The following DAB1 variants were observed in gnomAD, a reference collection of about 807,000 sequenced individuals.
DAB1 encodes disabled homolog 1.
Under a neutral mutation model 64.6 loss-of-function variants are expected in DAB1, and 15 were observed. The observed-to-expected ratio is 0.23, with a 90% CI of 0.16 to 0.36. DAB1 has a LOEUF of 0.36. DAB1 is among the 10% of genes least tolerant of loss of function. DAB1 has a pLI of 1.00. For synonymous variants in DAB1, 235 were observed against 251.9 expected (o/e 0.93, Z 0.64); for missense variants, 596 against 706.7 (o/e 0.84, Z 1.78).
chr1:58,281,051 G>C (rs567944965), intron 4 of DAB1, among the ~76,000 whole-genome samples: 11 of 152,260 alleles, frequency 7.2e-5, no homozygotes, highest in South Asian at 2.1e-4. Context: ...GTGTGTTTGG[G>C]GAGAAAGACA....
At chr1:58,499,477 T>TATAGACAGATAGATAGATAGATAGATAG (rs1645863562) in intron 3 of DAB1, among the ~76,000 whole-genome samples, 3 of 143,768 alleles carry the variant, frequency 2.1e-5, no homozygotes, top group African/African-American at 7.9e-5. Flanking sequence ...AAAGCCAGAC[T>TATAGACAGATAGATAGATAGATAGATAG]ATAGATAGAT....
At chr1:57,519,816 T>C (rs989323303) in intron 7 of DAB1, among the ~76,000 whole-genome samples, 1 of 152,228 alleles carries the variant, frequency 6.6e-6, no homozygotes, top group Admixed American at 6.5e-5. Context: ...GGCACTTCTA[T>C]TGATCTAAGG....
chr1:58,174,316 C>T (rs184643042), intron 4 of DAB1, among the ~76,000 whole-genome samples: 2 of 152,244 alleles, frequency 1.3e-5, no homozygotes, highest in African/African-American at 2.4e-5. Context: ...CTATTACTCA[C>T]CTTTGGGCCC....
chr1:57,347,817 A>G (rs1678241182), intron 1 of DAB1, among the ~76,000 whole-genome samples: 1 of 152,118 alleles, frequency 6.6e-6, no homozygotes, highest in Non-Finnish European at 1.5e-5. Context: ...TTGTCTTCCC[A>G]ATAGTACTGT....
At chr1:57,417,592 C>T (rs1014582970) in intron 1 of DAB1, among the ~76,000 whole-genome samples, 1 of 152,114 alleles carries the variant, frequency 6.6e-6, no homozygotes, top group African/African-American at 2.4e-5. Context: ...ATCTCTGAAC[C>T]TTTAACATAT....
At chr1:57,148,012 C>A (rs1659314494) in intron 2 of DAB1, among the ~76,000 whole-genome samples, 1 of 152,188 alleles carries the variant, frequency 6.6e-6, no homozygotes, top group Admixed American at 6.5e-5. Flanking sequence ...ACGCAACTTT[C>A]TTATAAAGCC....
At chr1:57,309,343 C>T (rs971728516) in intron 1 of DAB1, among the ~76,000 whole-genome samples, 1 of 152,156 alleles carries the variant, frequency 6.6e-6, no homozygotes, top group Non-Finnish European at 1.5e-5. Context: ...GCAGAGAATA[C>T]TTCCATATGA....
chr1:58,159,422 A>G (rs1042934522), intron 4 of DAB1, among the ~76,000 whole-genome samples: 3 of 152,228 alleles, frequency 2.0e-5, no homozygotes, highest in Non-Finnish European at 4.4e-5. Context: ...AAGAACAGGC[A>G]AAACAAATTG....
At chr1:58,435,092 C>T (rs1293047769) in intron 3 of DAB1, among the ~76,000 whole-genome samples, 3 of 152,140 alleles carry the variant, frequency 2.0e-5, no homozygotes, top group African/African-American at 7.2e-5. Context: ...TTACTTGGGA[C>T]CCCTTTACTG....
chr1:58,045,978 A>G (rs1037181643), intron 5 of DAB1, among the ~76,000 whole-genome samples: 7 of 151,574 alleles, frequency 4.6e-5, no homozygotes, highest in Non-Finnish European at 7.4e-5. Context: ...TTATCTGAAA[A>G]TGGAGACTAA....
chr1:57,505,697 G>C (rs1399406306), intron 7 of DAB1, among the ~76,000 whole-genome samples: 2 of 152,060 alleles, frequency 1.3e-5, no homozygotes, highest in Non-Finnish European at 2.9e-5. Context: ...TTGAGACAGG[G>C]TCTCACTCTG....
Position 57,748,145 on chromosome 1 carries a change from T to C in DAB1, n.552-98480A>G, listed in dbSNP as rs531783821. Among the ~76,000 whole-genome samples the C allele has an allele frequency of 1.4e-4, 21 of 152,312 alleles. No individual in the cohort carries two copies. The South Asian group carries it at 4.3e-3, about 32-fold the overall frequency. ...AAAATGTCTAGGATACAGAGTGGCT[T>C]ACCAAAGCTCACTCTGCAAAGAAGT... On this transcript the variant is annotated intron_variant and non_coding_transcript_variant, in intron 6 of 20. Coordinates refer to the DAB1 transcript ENST00000485760.
At chr1:57,271,248 C>G (rs1204366487) in intron 2 of DAB1, among the ~76,000 whole-genome samples, 1 of 152,144 alleles carries the variant, frequency 6.6e-6, no homozygotes, top group African/African-American at 2.4e-5. Context: ...ATAGCTGCAG[C>G]AGGCTCTTTA....
At chr1:58,529,373 C>CA (rs1646398522) in intron 1 of DAB1, among the ~76,000 whole-genome samples, 1 of 152,122 alleles carries the variant, frequency 6.6e-6, no homozygotes, top group South Asian at 2.1e-4. Context: ...AGATGTAAAA[C>CA]AAAAAAATTA....
intron 7 of DAB1, among the ~76,000 whole-genome samples, chr1:57,499,658 G>A (rs1644268367): frequency 6.6e-6 from 1 of 152,232 alleles, no homozygotes; most frequent in Admixed American, 6.5e-5. Context: ...TGGCAAATGT[G>A]TTACTGAAAT....
At chr1:57,080,375 C>A (rs1371616911) in intron 4 of DAB1, among the ~76,000 whole-genome samples, 1 of 152,210 alleles carries the variant, frequency 6.6e-6, no homozygotes, top group Non-Finnish European at 1.5e-5. Flanking sequence ...CCTCTCTAAG[C>A]CTTTGTTTCA....
intron 5 of DAB1, among the ~76,000 whole-genome samples, chr1:58,111,080 G>C (rs563091387): frequency 2.0e-5 from 3 of 152,180 alleles, no homozygotes; most frequent in Non-Finnish European, 4.4e-5. Flanking sequence ...AGTGGGTGGA[G>C]GTGTATGTTA....
At chr1:57,104,768 T>C (rs1654987024) in intron 4 of DAB1, among the ~76,000 whole-genome samples, 1 of 151,922 alleles carries the variant, frequency 6.6e-6, no homozygotes, top group South Asian at 2.1e-4. Flanking sequence ...AGACCATGAA[T>C]ATATGAACTG....
intron 1 of DAB1, among the ~76,000 whole-genome samples, chr1:57,846,834 C>T (rs1653311106): frequency 2.0e-5 from 3 of 152,206 alleles, no homozygotes; most frequent in Admixed American, 2.0e-4. Context: ...CACACACACA[C>T]AGACACGCAA....
Sources: gnomAD v4.1 joint callset for allele counts (sites outside exome capture counted in the v4.1 genomes callset) on GRCh38, gnomAD v4.1.1 for gene constraint, MANE v1.5 for transcripts, NCBI Gene and HGNC (gene_info 2026-07-23, HGNC 2026-07-21) for gene names.